The following VTI1A variants were observed in gnomAD, a reference collection of about 807,000 sequenced individuals.
VTI1A encodes vesicle transport through interaction with t-SNAREs homolog 1A.
Under a neutral mutation model 34.9 loss-of-function variants are expected in VTI1A, and 22 were observed. The observed-to-expected ratio is 0.63, with a 90% CI of 0.45 to 0.90. The LOEUF (loss-of-function observed/expected upper bound fraction) is 0.90. VTI1A is among the 40% of genes least tolerant of loss of function. VTI1A has a pLI of 0.00. For synonymous variants in VTI1A, 87 were observed against 97.3 expected, an observed-to-expected ratio of 0.89 and a Z score of 0.62; for missense variants, 268 against 275.6, an observed-to-expected ratio of 0.97 and a Z score of 0.20.
chr10:112,671,097 A>G (rs1486784962), intron 7 of VTI1A, among the ~76,000 whole-genome samples: 5 of 152,194 alleles, frequency 3.3e-5, no homozygotes, highest in Non-Finnish European at 7.3e-5. Flanking sequence ...CTGCTTCATT[A>G]TTTTGGTTAT....
At chr10:112,523,174 G>A (rs915569225) in intron 3 of VTI1A, among the ~76,000 whole-genome samples, 1 of 152,086 alleles carries the variant, frequency 6.6e-6, no homozygotes, top group Non-Finnish European at 1.5e-5. Flanking sequence ...AAATGTCAAG[G>A]CTTGGGTCAA....
chr10:112,777,772 T>C (rs1249364827), intron 7 of VTI1A, among the ~76,000 whole-genome samples: 4 of 152,196 alleles, frequency 2.6e-5, no homozygotes, highest in African/African-American at 9.6e-5. Flanking sequence ...ATTCTGCCCA[T>C]TTTGTCATTT....
intron 7 of VTI1A, chr10:112,752,564 T>C (rs1851140092): frequency 1.0e-6 from 1 of 985,310 alleles, no homozygotes; most frequent in Non-Finnish European, 1.2e-6. Flanking sequence ...GGAACATGCT[T>C]TGGAAAAACG....
chr10:112,530,289 T>C (rs1850372254), intron 4 of VTI1A, among the ~76,000 whole-genome samples: 1 of 152,218 alleles, frequency 6.6e-6, no homozygotes, highest in Admixed American at 6.5e-5. Context: ...ATTCTATTCT[T>C]TGAAAATACC....
At chr10:112,650,832 A>T (rs1846983227) in intron 5 of VTI1A, among the ~76,000 whole-genome samples, 1 of 152,184 alleles carries the variant, frequency 6.6e-6, no homozygotes, top group Non-Finnish European at 1.5e-5. Context: ...AATTAAAAGT[A>T]CTGTTACTAT....
intron 7 of VTI1A, among the ~76,000 whole-genome samples, chr10:112,680,719 G>T (rs888105594): frequency 3.9e-5 from 6 of 152,188 alleles, no homozygotes; most frequent in Admixed American, 6.5e-5. Context: ...TGCTCTAGGG[G>T]ATGACAGGAA....
chr10:112,571,338 T>C (rs750876618), intron 5 of VTI1A, among the ~76,000 whole-genome samples: 1 of 152,182 alleles, frequency 6.6e-6, no homozygotes, highest in African/African-American at 2.4e-5. Flanking sequence ...CGTTCCTCTA[T>C]AGGAGACAAC....
chr10:112,710,481 A>G (rs1849375169), intron 7 of VTI1A, among the ~76,000 whole-genome samples: 1 of 152,234 alleles, frequency 6.6e-6, no homozygotes, highest in Non-Finnish European at 1.5e-5. Context: ...TGCTAGGATT[A>G]CAGGTGTGAG....
At chr10:112,789,235 A>AG (rs1852386008) in intron 7 of VTI1A, among the ~76,000 whole-genome samples, 1 of 116,152 alleles carries the variant, frequency 8.6e-6, no homozygotes, top group East Asian at 3.7e-4. Context: ...CTACTAAAAA[A>AG]AATTCTCTTA....
At chr10:112,516,136 G>T (rs982461448) in intron 3 of VTI1A, among the ~76,000 whole-genome samples, 1 of 152,066 alleles carries the variant, frequency 6.6e-6, no homozygotes, top group Non-Finnish European at 1.5e-5. Context: ...GCTTGTAGCG[G>T]AGCTTCTTGT....
At chr10:112,585,974 G>A (rs1351492158) in intron 5 of VTI1A, among the ~76,000 whole-genome samples, 1 of 152,030 alleles carries the variant, frequency 6.6e-6, no homozygotes. Context: ...TCCTCTGTTT[G>A]TATACAGTGT....
chr10:112,840,121 C>T, the VTI1A span, among the ~76,000 whole-genome samples: 2 of 149,946 alleles, frequency 1.3e-5, no homozygotes, highest in Non-Finnish European at 3.0e-5. Context: ...GCTACACAAA[C>T]AGCCCAGGAA....
chr10:112,820,329 A>G (rs117467012), downstream of VTI1A, among the ~76,000 whole-genome samples: 429 of 152,296 alleles, frequency 2.8e-3, 4 homozygotes, highest in East Asian at 0.03. Flanking sequence ...CCTCAGTCCA[A>G]CTCCCAGTGA....
At chr10:112,529,310 C>A (rs1589865847) in intron 4 of VTI1A, among the ~76,000 whole-genome samples, 1 of 152,214 alleles carries the variant, frequency 6.6e-6, no homozygotes, top group Admixed American at 6.5e-5. Context: ...CATATGAAGT[C>A]ATTGCATTTT....
At chr10:112,754,220 G>A (rs1001339085) in intron 7 of VTI1A, among the ~76,000 whole-genome samples, 1 of 152,168 alleles carries the variant, frequency 6.6e-6, no homozygotes, top group African/African-American at 2.4e-5. Flanking sequence ...TATGTAAAAT[G>A]TAGTCATGTT....
At chr10:112,839,540 T>TG in the VTI1A span, among the ~76,000 whole-genome samples, 7 of 90,132 alleles carry the variant, frequency 7.8e-5, no homozygotes, top group African/African-American at 2.6e-4. Flanking sequence ...TTGGGAGGGT[T>TG]GGGGGGAGCA....
At chr10:112,518,541 ATCTCTTTCTCTC>A (rs1184512159) in intron 3 of VTI1A, among the ~76,000 whole-genome samples, 1 of 95,018 alleles carries the variant, frequency 1.1e-5, no homozygotes. Flanking sequence ...GAGACCTCAT[ATCTCTTTCTCTC>A]TCTCTCTCTC....
At chr10:112,468,930 A>T (rs1847991360) in intron 3 of VTI1A, among the ~76,000 whole-genome samples, 1 of 152,168 alleles carries the variant, frequency 6.6e-6, no homozygotes, top group East Asian at 1.9e-4. Context: ...TATCTCTACT[A>T]CTGAAAGCCT....
intron 7 of VTI1A, among the ~76,000 whole-genome samples, chr10:112,710,261 G>A (rs1849366354): frequency 6.8e-6 from 1 of 147,482 alleles, no homozygotes; most frequent in Non-Finnish European, 1.5e-5. Flanking sequence ...AGGCTGGAGT[G>A]CATTGGCATG....
Sources: allele counts gnomAD v4.1 joint callset (sites outside exome capture counted in the v4.1 genomes callset), GRCh38; gene constraint gnomAD v4.1.1; transcripts MANE v1.5; gene names NCBI Gene and HGNC (gene_info 2026-07-23, HGNC 2026-07-21).